The following FAM149B1 variants were observed in gnomAD, a reference collection of about 807,000 sequenced individuals.
The protein encoded by FAM149B1 is primary cilium assembly protein FAM149B1.
In FAM149B1, 56 loss-of-function variants were observed where a neutral mutation model predicts 75.3. The observed-to-expected ratio is 0.74, with a 90% CI of 0.60 to 0.93. The LOEUF (loss-of-function observed/expected upper bound fraction) is 0.93, where lower values mean the gene tolerates loss of function less well. Among genes scored for constraint, FAM149B1 ranks in the 40% least tolerant of loss-of-function variants. The pLI, the probability that FAM149B1 is intolerant of heterozygous loss-of-function variation, is 0.00. For missense variants in FAM149B1, 639 were observed against 708.4 expected, an observed-to-expected ratio of 0.90 and a Z score of 1.11; for synonymous variants, 259 against 256.1, an observed-to-expected ratio of 1.01 and a Z score of -0.11.
At chr10:73,190,241 ATTT>A (rs56855443) in intron 3 of FAM149B1, among the ~76,000 whole-genome samples, 1 of 144,094 alleles carries the variant, frequency 6.9e-6, no homozygotes, top group African/African-American at 2.5e-5. Context: ...GTAGTCACTG[ATTT>A]TTTTTTTTTT....
intron 5 of FAM149B1, among the ~76,000 whole-genome samples, chr10:73,199,150 T>C (rs2042875144): frequency 6.6e-6 from 1 of 152,198 alleles, no homozygotes; most frequent in African/African-American, 2.4e-5. Context: ...AATATAACTA[T>C]AACTACCAGG....
Position 73,230,543 on chromosome 10 carries a change from TTCA to T in FAM149B1, c.1127+19_1127+21del, listed in dbSNP as rs2043665383. 1.5e-6 allele frequency: 2 copies of T among 1,309,266 alleles called. No homozygotes were observed. Among genetic ancestry groups the T allele is most frequent in the African/African-American group, 2.9e-5 (2 of 68,028 alleles). 81.1% of individuals were successfully genotyped at this position (1,309,266 alleles called of 1,614,324 possible). A position where few individuals can be genotyped will look rare whatever the true frequency, so the allele number is the denominator to read the frequency against. On this transcript the variant is annotated intron_variant, in intron 9 of 13. Transcript: ENST00000242505. Reference sequence around the variant, plus strand: ...AAGCTCCTGTAAGAAGTTCAACATTTTCAGACTATACAGTGTAAAAGGGAAACA... The same window carrying T: ...AAGCTCCTGTAAGAAGTTCAACATTTGACTATACAGTGTAAAAGGGAAACA...
At chr10:73,224,178 G>A (rs2043480959) in intron 7 of FAM149B1, among the ~76,000 whole-genome samples, 1 of 152,118 alleles carries the variant, frequency 6.6e-6, no homozygotes, top group Non-Finnish European at 1.5e-5. Flanking sequence ...CTATGCAGAG[G>A]CTGGTGGTAA....
At chr10:73,178,348 G>A (rs950817074) in intron 3 of FAM149B1, among the ~76,000 whole-genome samples, 3 of 152,232 alleles carry the variant, frequency 2.0e-5, no homozygotes, top group South Asian at 2.1e-4. Flanking sequence ...AAAATTAGCC[G>A]GGTGTGGTGG....
intron 3 of FAM149B1, 135 bp downstream of exon 3, chr10:73,178,110 A>C (rs1844051828): frequency 1.1e-6 from 1 of 949,680 alleles, no homozygotes; most frequent in Admixed American, 3.3e-5. Context: ...AACTGTAAAG[A>C]AGTATCAGTC....
chr10:73,203,930 C>T (rs138554512), intron 5 of FAM149B1, among the ~76,000 whole-genome samples: 2,784 of 152,068 alleles, frequency 0.018, 43 homozygotes, highest in Non-Finnish European at 0.026. Flanking sequence ...AATGAACCAC[C>T]GTGCCCCACC....
At chr10:73,204,537 C>G (rs955776036) in intron 5 of FAM149B1, among the ~76,000 whole-genome samples, 1 of 152,130 alleles carries the variant, frequency 6.6e-6, no homozygotes, top group Non-Finnish European at 1.5e-5. Flanking sequence ...AAACTGAGTT[C>G]CATTTTTTAA....
At chr10:73,201,165 A>C (rs889870872) in intron 5 of FAM149B1, 1 of 273,204 alleles carries the variant, frequency 3.7e-6, no homozygotes, top group African/African-American at 2.3e-5. Flanking sequence ...TCTTCGTGAC[A>C]CTGAGATTTG....
intron 5 of FAM149B1, among the ~76,000 whole-genome samples, chr10:73,197,096 T>G (rs1269287701): frequency 6.6e-6 from 1 of 152,140 alleles, no homozygotes; most frequent in African/African-American, 2.4e-5. Context: ...CTTGACCTCC[T>G]GGGCTCAAGC....
At chr10:73,224,794 G>A (rs1036144618) in intron 7 of FAM149B1, among the ~76,000 whole-genome samples, 6 of 152,070 alleles carry the variant, frequency 3.9e-5, no homozygotes, top group African/African-American at 1.2e-4. Flanking sequence ...TGAAAAACAG[G>A]CAGTAGTAAC....
chr10:73,181,764 C>T (rs1589139482), intron 3 of FAM149B1, among the ~76,000 whole-genome samples: 1 of 152,066 alleles, frequency 6.6e-6, no homozygotes, highest in Admixed American at 6.6e-5. Context: ...ATCCATTTGG[C>T]GTGTAGTGCA....
At chr10:73,193,442 G>T in intron 4 of FAM149B1, 35 bp from the exon 5 acceptor site, 1 of 1,535,432 alleles carries the variant, frequency 6.5e-7, no homozygotes, top group Non-Finnish European at 8.8e-7. Context: ...GCCAGTGAAG[G>T]TACTTAATTG....
At chr10:73,225,578 T>G (rs2043521592) in intron 7 of FAM149B1, among the ~76,000 whole-genome samples, 1 of 152,150 alleles carries the variant, frequency 6.6e-6, no homozygotes, top group Non-Finnish European at 1.5e-5. Flanking sequence ...AATAAAAAAT[T>G]TATAAAGTCA....
intron 5 of FAM149B1, among the ~76,000 whole-genome samples, chr10:73,204,667 A>G (rs1398139695): frequency 6.6e-6 from 1 of 151,882 alleles, no homozygotes; most frequent in South Asian, 2.1e-4. Context: ...ATAAGATAAG[A>G]TCCCTGCCCA....
chr10:73,180,909 C>A (rs947901673), intron 3 of FAM149B1, among the ~76,000 whole-genome samples: 1 of 152,080 alleles, frequency 6.6e-6, no homozygotes, highest in Non-Finnish European at 1.5e-5. Context: ...CCTCACCCCC[C>A]CACTACCCTT....
chr10:73,230,619 C>A lies in FAM149B1; in HGVS notation c.1127+94C>A. 4 of 687,976 alleles carry A rather than the reference C, an allele frequency of 5.8e-6. No individual in the cohort carries two copies. In the East Asian group the frequency reaches 8.3e-5, roughly 14 times the overall value. The allele number at this position is 687,976 out of a possible 1,614,324, so 42.6% of individuals were successfully genotyped here. A position where few individuals can be genotyped will look rare whatever the true frequency, so the allele number is the denominator to read the frequency against. ...TCAGTATGCATGTATTGAGTGCCAACCAAGCAACCACAAAAACTCCTGGGG... is the reference window on the plus strand; with the variant it reads ...TCAGTATGCATGTATTGAGTGCCAAACAAGCAACCACAAAAACTCCTGGGG... On this transcript the variant is annotated intron_variant, in intron 9 of 13. Transcript: ENST00000242505.
At chr10:73,238,775 A>G (rs2043880470) in intron 12 of FAM149B1, 1 of 152,310 alleles carries the variant, frequency 6.6e-6, no homozygotes, top group Admixed American at 6.5e-5. Context: ...AGGATGTCAT[A>G]TATAGCTTTA....
At chr10:73,191,996 G>A (rs1168139308) in intron 3 of FAM149B1, among the ~76,000 whole-genome samples, 2 of 151,772 alleles carry the variant, frequency 1.3e-5, no homozygotes, top group Admixed American at 6.6e-5. Flanking sequence ...TGCCTCCCAG[G>A]TCAAGCAATT....
At chr10:73,235,606 G>A (rs2043803579) in intron 12 of FAM149B1, 7 of 418,210 alleles carry the variant, frequency 1.7e-5, no homozygotes, top group Non-Finnish European at 2.3e-5. Context: ...CATCAGATAA[G>A]CATAACTTTA....
Sources: allele counts gnomAD v4.1 joint callset (sites outside exome capture counted in the v4.1 genomes callset), GRCh38; gene constraint gnomAD v4.1.1; transcripts MANE v1.5; gene names NCBI Gene and HGNC (gene_info 2026-07-23, HGNC 2026-07-21).